The following ZRANB3 variants were observed in gnomAD, a reference collection of about 807,000 sequenced individuals.
ZRANB3 encodes DNA annealing helicase and endonuclease ZRANB3.
ZRANB3 carries 125 observed loss-of-function variants against 133.8 expected under a neutral mutation model. That is an observed-to-expected ratio of 0.93 (90% CI 0.81 to 1.08). The LOEUF is 1.08. Ranked by LOEUF, ZRANB3 falls within the 50% of genes least tolerant of loss-of-function variation. The pLI, the probability that ZRANB3 is intolerant of heterozygous loss-of-function variation, is 0.00. For missense variants in ZRANB3, 1,229 were observed against 1,275.5 expected, an observed-to-expected ratio of 0.96 and a Z score of 0.56; for synonymous variants, 387 against 432.7, an observed-to-expected ratio of 0.89 and a Z score of 1.31.
At chr2:135,325,724 A>G (rs979520351) in intron 6 of ZRANB3, among the ~76,000 whole-genome samples, 1 of 152,188 alleles carries the variant, frequency 6.6e-6, no homozygotes, top group Non-Finnish European at 1.5e-5. Flanking sequence ...AAATGAAGAA[A>G]GTGTGTTAGA....
At chr2:135,234,988 A>G (rs1453004550) in intron 12 of ZRANB3, among the ~76,000 whole-genome samples, 1 of 152,242 alleles carries the variant, frequency 6.6e-6, no homozygotes, top group Non-Finnish European at 1.5e-5. Flanking sequence ...CAAAAATTCA[A>G]TGAATCCAGG....
chr2:135,282,127 T>C (rs1334742817), intron 8 of ZRANB3, among the ~76,000 whole-genome samples: 3 of 152,238 alleles, frequency 2.0e-5, no homozygotes, highest in Non-Finnish European at 2.9e-5. Context: ...TTTTTATTCA[T>C]TTATCTAGCT....
chr2:135,200,643 A>G (rs1693581981), intron 20 of ZRANB3, among the ~76,000 whole-genome samples: 1 of 152,182 alleles, frequency 6.6e-6, no homozygotes, highest in Non-Finnish European at 1.5e-5. Context: ...TCATAGGACC[A>G]ACATAGCAGG....
intron 2 of ZRANB3, among the ~76,000 whole-genome samples, chr2:135,497,015 A>G (rs930207294): frequency 6.6e-5 from 10 of 152,222 alleles, no homozygotes; most frequent in Non-Finnish European, 1.3e-4. Context: ...AAAATCAGTA[A>G]GCTTGAATAT....
chr2:135,475,937 G>T (rs113623961), intron 2 of ZRANB3, among the ~76,000 whole-genome samples: 10,326 of 152,106 alleles, frequency 0.068, 723 homozygotes, highest in African/African-American at 0.18. Context: ...AATTAGCCAG[G>T]CATGGTGACA....
chr2:135,270,108 T>A (rs1228634388), intron 10 of ZRANB3, among the ~76,000 whole-genome samples: 1 of 152,034 alleles, frequency 6.6e-6, no homozygotes, highest in Non-Finnish European at 1.5e-5. Flanking sequence ...TGAAAATCAG[T>A]CTCTGAAAAA....
chr2:135,255,543 G>C (rs1265736611), intron 12 of ZRANB3, among the ~76,000 whole-genome samples: 14 of 152,090 alleles, frequency 9.2e-5, no homozygotes. Flanking sequence ...CCCAATTCAT[G>C]ACTTGCTAAT....
intron 2 of ZRANB3, among the ~76,000 whole-genome samples, chr2:135,411,940 T>C (rs1466264361): frequency 6.6e-6 from 1 of 152,150 alleles, no homozygotes. Context: ...GACTGCACCC[T>C]TCTTCTGCCT....
intron 7 of ZRANB3, 27 bp downstream of exon 7, chr2:135,315,332 G>C: frequency 1.4e-6 from 2 of 1,465,014 alleles, no homozygotes; most frequent in Non-Finnish European, 1.8e-6. Flanking sequence ...TTTAAAGTAA[G>C]ACTTTAAATC....
intron 8 of ZRANB3, among the ~76,000 whole-genome samples, chr2:135,292,338 G>A (rs1301643699): frequency 2.6e-5 from 4 of 152,164 alleles, no homozygotes; most frequent in African/African-American, 4.8e-5. Flanking sequence ...GCATTTCTCT[G>A]ATGGCCAGTG....
In ZRANB3 at chr2:135,478,537, ACT is replaced by A. The variant is rs765110897; in HGVS notation, c.161+25790_161+25791del. On this transcript the variant is annotated intron_variant, in intron 2 of 20. Coordinates refer to ENST00000264159, the MANE Select transcript of ZRANB3 (RefSeq NM_032143.4). ...TATACATAAATTAGTATCTTATATA[ACT>A]CTTATGTAAATGGACATATACACTT... 1.6e-4 allele frequency among the ~76,000 whole-genome samples: 24 copies of A among 152,156 alleles called. No homozygotes were observed. The East Asian group carries it at 1.9e-3, about 12-fold the overall frequency.
intron 7 of ZRANB3, 27 bp from the exon 8 acceptor site, chr2:135,313,632 A>G (rs759172117): frequency 4.9e-6 from 7 of 1,434,634 alleles, no homozygotes; most frequent in Non-Finnish European, 2.0e-6. Flanking sequence ...AACACTGTTT[A>G]TGAATATAGC....
intron 2 of ZRANB3, among the ~76,000 whole-genome samples, chr2:135,395,509 G>C (rs1280146231): frequency 6.7e-6 from 1 of 149,636 alleles, no homozygotes; most frequent in Non-Finnish European, 1.5e-5. Context: ...CCAGGCTGGA[G>C]TGCAGTGGTG....
At chr2:135,380,804 AACT>A (rs2104911386) in intron 3 of ZRANB3, among the ~76,000 whole-genome samples, 2 of 152,338 alleles carry the variant, frequency 1.3e-5, no homozygotes, top group East Asian at 3.9e-4. Context: ...GGCAAGAAAT[AACT>A]AAGATCAGAG....
chr2:135,388,863 G>T (rs1474956114), intron 3 of ZRANB3, among the ~76,000 whole-genome samples: 1 of 151,992 alleles, frequency 6.6e-6, no homozygotes, highest in African/African-American at 2.4e-5. Flanking sequence ...GATCACCTGA[G>T]GTCAGGAGAT....
intron 3 of ZRANB3, among the ~76,000 whole-genome samples, chr2:135,360,614 AGAATGGCGT>A (rs1395039036): frequency 1.3e-5 from 2 of 152,142 alleles, no homozygotes; most frequent in Non-Finnish European, 2.9e-5. Flanking sequence ...CTGAGGCAGG[AGAATGGCGT>A]GAACCCGGGA....
intron 2 of ZRANB3, among the ~76,000 whole-genome samples, chr2:135,410,908 T>G (rs1343902832): frequency 6.6e-6 from 1 of 152,084 alleles, no homozygotes; most frequent in African/African-American, 2.4e-5. Context: ...CACAATAAGA[T>G]ACCATCTCAC....
intron 12 of ZRANB3, among the ~76,000 whole-genome samples, chr2:135,256,661 C>T (rs985708771): frequency 1.3e-5 from 2 of 152,210 alleles, no homozygotes; most frequent in African/African-American, 4.8e-5. Context: ...TAATATTCCA[C>T]TGCATGTGTC....
At chr2:135,515,036 G>C (rs1693642711) in intron 1 of ZRANB3, among the ~76,000 whole-genome samples, 1 of 152,138 alleles carries the variant, frequency 6.6e-6, no homozygotes, top group African/African-American at 2.4e-5. Flanking sequence ...GATTCAGTTT[G>C]CCAGTATTTT....
Sources: allele counts gnomAD v4.1 joint callset (sites outside exome capture counted in the v4.1 genomes callset), GRCh38; gene constraint gnomAD v4.1.1; transcripts MANE v1.5; gene names NCBI Gene and HGNC (gene_info 2026-07-23, HGNC 2026-07-21).